URI1: variants seen among roughly 807,000 people sequenced by gnomAD.
URI1 encodes the protein URI1 prefoldin like chaperone, also known as unconventional prefoldin RPB5 interactor 1.
A neutral mutation model predicts 60.2 loss-of-function variants in URI1; 39 were observed. That is an observed-to-expected ratio of 0.65 (90% CI 0.50 to 0.85). The LOEUF (loss-of-function observed/expected upper bound fraction) is 0.85. Among genes scored for constraint, URI1 ranks in the 40% least tolerant of loss-of-function variants. The pLI, the probability that URI1 is intolerant of heterozygous loss-of-function variation, is 0.00. For synonymous variants in URI1, 251 were observed against 236.8 expected, an observed-to-expected ratio of 1.06 and a Z score of -0.55; for missense variants, 691 against 665.9, an observed-to-expected ratio of 1.04 and a Z score of -0.42.
In URI1 at chr19:29,959,051, G is replaced by A. The variant is rs112811364; in HGVS notation, c.118-12142G>A. On this transcript the variant is annotated intron_variant, in intron 1 of 10. Coordinates refer to ENST00000392271, the MANE Select transcript of URI1 (RefSeq NM_003796.3). ...AAGGATTTGGCTTCAGAATTAGGCT[G>A]GTCTCATGAAACAACTCCCATTTTT... 5.5e-3 allele frequency among the ~76,000 whole-genome samples: 841 copies of A among 152,166 alleles called. 11 individuals carry two copies. The highest frequency in any genetic ancestry group is 0.019 in the African/African-American group (804 of 41,512).
intron 1 of URI1, among the ~76,000 whole-genome samples, chr19:29,952,219 A>G (rs573127231): frequency 3.3e-5 from 5 of 152,374 alleles, no homozygotes; most frequent in African/African-American, 1.2e-4. Context: ...AAGTTTAATC[A>G]GAATTTAAAC....
At chr19:29,967,565 G>A (rs2055405644) in intron 1 of URI1, among the ~76,000 whole-genome samples, 1 of 152,218 alleles carries the variant, frequency 6.6e-6, no homozygotes, top group Non-Finnish European at 1.5e-5. Flanking sequence ...TACAGAATTT[G>A]CTTTTACTGA....
chr19:29,936,043 C>T (rs1228245552), intron 1 of URI1, among the ~76,000 whole-genome samples: 1 of 152,118 alleles, frequency 6.6e-6, no homozygotes, highest in Non-Finnish European at 1.5e-5. Flanking sequence ...GCCTTGGCCT[C>T]CCAAAGTGCT....
chr19:29,968,436 T>TA (rs1291182873), intron 1 of URI1, among the ~76,000 whole-genome samples: 1 of 152,066 alleles, frequency 6.6e-6, no homozygotes, highest in Non-Finnish European at 1.5e-5. Flanking sequence ...ATTTAATACT[T>TA]AAAGTAATTA....
intron 1 of URI1, among the ~76,000 whole-genome samples, chr19:29,928,789 A>C (rs1187885467): frequency 2.0e-5 from 3 of 152,202 alleles, no homozygotes; most frequent in African/African-American, 7.2e-5. Flanking sequence ...GTTTATCTGA[A>C]ATTCAAATTT....
chr19:30,014,320 T>G (rs1054158928), intron 10 of URI1: 6 of 152,214 alleles, frequency 3.9e-5, no homozygotes, highest in Non-Finnish European at 8.8e-5. Context: ...CCTACTAGTA[T>G]CAGCACTTTT....
chr19:29,961,983 CTG>C (rs1599677787), intron 1 of URI1, among the ~76,000 whole-genome samples: 1 of 152,188 alleles, frequency 6.6e-6, no homozygotes, highest in East Asian at 1.9e-4. Context: ...CTGCGCCCGG[CTG>C]CTTTCGATTC....
chr19:30,000,194 G>A (rs750817036), intron 4 of URI1, among the ~76,000 whole-genome samples: 1 of 151,430 alleles, frequency 6.6e-6, no homozygotes, highest in East Asian at 1.9e-4. Flanking sequence ...TTTTTTTGTT[G>A]CATAGTTTTC....
At position 30,009,215 on chromosome 19, in the gene URI1, TGA is replaced by T. The variant is rs2055985075; in HGVS notation, c.898_899del (p.Asp300Ter). The T allele has an allele frequency of 3.7e-6, 3 of 821,268 alleles. No individual in the cohort carries two copies. Among genetic ancestry groups the T allele is most frequent in the African/African-American group, 6.6e-5 (2 of 30,472 alleles). The allele number at this position is 821,268 out of a possible 1,614,324, so 50.9% of individuals were successfully genotyped here. ...ATGGTTCCAGTTCTTACCACAGTGA[TGA>T]TGATGATGATGATGATGATGACGAC... ...VNGSSSYHSD[D>X]DDDDDDDDDD... On this transcript the variant is annotated frameshift_variant, in exon 8 of 11. Transcript: ENST00000392271. LOFTEE classifies it high-confidence loss of function.
chr19:29,984,092 A>G (rs988657626), intron 2 of URI1, among the ~76,000 whole-genome samples: 26 of 152,142 alleles, frequency 1.7e-4, no homozygotes, highest in Admixed American at 1.1e-3. Context: ...CATGATTTCA[A>G]CTTCACAGCC....
At position 30,005,463 on chromosome 19, in the gene URI1, GT is replaced by G; in HGVS notation, c.459+16del. On this transcript the variant is annotated intron_variant, in intron 5 of 10. Transcript: ENST00000392271. ...CAGAAAATGAGCGATGTGAGTATTT[GT>G]TTTTAGTCTTCTATATTTTTAGAAA... The G allele has an allele frequency of 6.3e-7, 1 of 1,576,832 alleles. No individual in the cohort carries two copies. The highest frequency in any genetic ancestry group is 8.6e-7 in the Non-Finnish European group (1 of 1,163,740).
At chr19:29,996,202 A>G (rs1050279118) in intron 4 of URI1, among the ~76,000 whole-genome samples, 4 of 151,956 alleles carry the variant, frequency 2.6e-5, no homozygotes, top group Non-Finnish European at 5.9e-5. Flanking sequence ...CATGGGTAGT[A>G]TTGACATCCT....
Position 30,014,942 on chromosome 19 carries a change from C to T in URI1, c.1481C>T (p.Pro494Leu), listed in dbSNP as rs749183650. The T allele has an allele frequency of 6.2e-7, 1 of 1,613,656 alleles. No homozygotes were observed. Among genetic ancestry groups the T allele is most frequent in the South Asian group, 1.1e-5 (1 of 91,026 alleles). Residue 494 changes from proline (P) to leucine (L), a missense_variant, in exon 11 of 11, where the codon CCC becomes CTC. By Grantham distance (98) the Pro-to-Leu change is moderately conservative (BLOSUM62 -3). Transcript: ENST00000392271. ...TTTGTATCACCTTCCTTAACACCAC[C>T]CCCAGCCATTGCTCATCCCGCACTA... ...KEFVSPSLTP[P>L]PAIAHPALPT... is the part of the protein sequence containing the mutation.
upstream of URI1, among the ~76,000 whole-genome samples, chr19:29,939,889 C>G (rs112879556): frequency 3.3e-5 from 5 of 151,936 alleles, no homozygotes; most frequent in Non-Finnish European, 5.9e-5. Context: ...AAGGTGGGTC[C>G]GACAATGCTG....
chr19:29,949,022 C>G (rs1044291019), intron 1 of URI1, among the ~76,000 whole-genome samples: 5 of 144,226 alleles, frequency 3.5e-5, no homozygotes, highest in Non-Finnish European at 7.6e-5. Flanking sequence ...CCCCGCCTCC[C>G]TCCCGGACGG....
intron 4 of URI1, among the ~76,000 whole-genome samples, chr19:30,001,336 A>G (rs1433029572): frequency 1.3e-5 from 2 of 151,836 alleles, no homozygotes; most frequent in Admixed American, 6.6e-5. Context: ...AAATTGAGCA[A>G]TCTTTAAGTA....
intron 1 of URI1, among the ~76,000 whole-genome samples, chr19:29,966,473 A>G (rs550502593): frequency 6.6e-6 from 1 of 152,254 alleles, no homozygotes; most frequent in Admixed American, 6.5e-5. Context: ...AGTTTATTAC[A>G]GTTTATCCCA....
chr19:29,923,685 T>A, exon 1 of URI1: 1 of 1,536,564 alleles, frequency 6.5e-7, no homozygotes, highest in Non-Finnish European at 8.7e-7. Context: ...TGGAGGTCAC[T>A]GCCCTGATGA....
At chr19:29,956,637 C>A in intron 1 of URI1, 17 of 1,516,006 alleles carry the variant, frequency 1.1e-5, no homozygotes, top group Non-Finnish European at 1.5e-5. Flanking sequence ...ATTTTTCACC[C>A]AAGAAATTTC....
Sources: gnomAD v4.1 joint callset for allele counts (sites outside exome capture counted in the v4.1 genomes callset) on GRCh38, gnomAD v4.1.1 for gene constraint, MANE v1.5 for transcripts, NCBI Gene and HGNC (gene_info 2026-07-23, HGNC 2026-07-21) for gene names.